Variants in NHEJ1 observed in about 807,000 individuals in gnomAD.
NHEJ1 encodes the protein non-homologous end-joining factor 1.
Under a neutral mutation model 39.4 loss-of-function variants are expected in NHEJ1, and 22 were observed. The ratio of observed to expected loss-of-function variants is 0.56; its 90% CI spans 0.40 to 0.80. The LOEUF is 0.80. NHEJ1 is among the 30% of genes least tolerant of loss of function. The pLI is 0.00. For synonymous variants in NHEJ1, 154 were observed against 135.6 expected (o/e 1.14, Z -0.94); for missense variants, 329 against 357.1 (o/e 0.92, Z 0.63).
intron 5 of NHEJ1, among the ~76,000 whole-genome samples, chr2:219,108,598 C>A (rs530132806): frequency 6.6e-6 from 1 of 152,304 alleles, no homozygotes; most frequent in Non-Finnish European, 1.5e-5. Flanking sequence ...CTAGCACTTA[C>A]CAAATACATT....
At chr2:219,123,681 A>T (rs1320879102) in intron 5 of NHEJ1, among the ~76,000 whole-genome samples, 3 of 152,062 alleles carry the variant, frequency 2.0e-5, no homozygotes, top group African/African-American at 7.2e-5. Context: ...TACATTTAAA[A>T]CTAGAAAAGT....
intron 7 of NHEJ1, 122 bp from the exon 8 acceptor site, chr2:219,076,577 T>C: frequency 1.1e-6 from 1 of 895,314 alleles, no homozygotes; most frequent in Non-Finnish European, 1.7e-6. Flanking sequence ...TTTTTTTTTT[T>C]TTTCCACCCA....
At chr2:219,154,796 T>G (rs2106366927) in intron 3 of NHEJ1, among the ~76,000 whole-genome samples, 1 of 151,056 alleles carries the variant, frequency 6.6e-6, no homozygotes, top group South Asian at 2.1e-4. Context: ...TTTAATGTAG[T>G]TCCCCAATTA....
intron 5 of NHEJ1, among the ~76,000 whole-genome samples, chr2:219,098,400 T>A (rs556626336): frequency 3.9e-5 from 6 of 152,140 alleles, no homozygotes; most frequent in South Asian, 4.1e-4. Context: ...AGAGGAGAAT[T>A]ACCAGAGCAA....
At chr2:219,131,705 T>A (rs1233610049) in intron 5 of NHEJ1, among the ~76,000 whole-genome samples, 1 of 152,254 alleles carries the variant, frequency 6.6e-6, no homozygotes, top group Non-Finnish European at 1.5e-5. Flanking sequence ...ATTAATTACA[T>A]AAAAGTTTTT....
In NHEJ1 at chr2:219,082,869, C is replaced by T. The variant is rs578164435; in HGVS notation, c.589-4663G>A. Among the ~76,000 whole-genome samples, 50 of 152,292 alleles carry T rather than the reference C, an allele frequency of 3.3e-4. No individual in the cohort carries two copies. The South Asian group carries it at 9.7e-3, about 30-fold the overall frequency. The stretch of plus-strand genomic sequence containing the variant: ...ATACAAACTTCCTTCCCTTGGGAGC[C>T]CAGGTCTCCATTCAAAGGGAATCAT... On this transcript the variant is annotated intron_variant, in intron 5 of 7. Coordinates refer to ENST00000356853, the MANE Select transcript of NHEJ1 (RefSeq NM_024782.3).
At chr2:219,082,691 G>T (rs954847928) in intron 5 of NHEJ1, among the ~76,000 whole-genome samples, 1 of 152,208 alleles carries the variant, frequency 6.6e-6, no homozygotes, top group African/African-American at 2.4e-5. Flanking sequence ...GCATGTCTTT[G>T]GTTCTGGCAC....
Position 219,111,507 on chromosome 2 carries a change from C to T in NHEJ1, c.589-33301G>A, listed in dbSNP as rs539755540. ...CTAGAAAAAATCTAGTTATCCCACA[C>T]GCTTGGCCCACTCCCCTTATCTAGA... On this transcript the variant is annotated intron_variant, in intron 5 of 7. Transcript: ENST00000356853. This position sits in a 1 kb window ranked among gnomAD's most constrained non-coding sequence, Gnocchi z 4.1. Among the ~76,000 whole-genome samples the T allele has an allele frequency of 2.0e-5, 3 of 152,256 alleles. No homozygotes were observed. Among genetic ancestry groups the T allele is most frequent in the Admixed American group, 6.5e-5 (1 of 15,278 alleles).
At chr2:219,106,406 C>T (rs1487112473) in intron 5 of NHEJ1, among the ~76,000 whole-genome samples, 3 of 152,142 alleles carry the variant, frequency 2.0e-5, no homozygotes, top group Admixed American at 6.5e-5. Flanking sequence ...TCTGCTAACA[C>T]TGGGAGAGTG....
chr2:219,113,368 CAGGAATAGAAA>C (rs1271898362), intron 5 of NHEJ1, among the ~76,000 whole-genome samples: 1 of 151,920 alleles, frequency 6.6e-6, no homozygotes, highest in Non-Finnish European at 1.5e-5. Context: ...GAGAGATGGA[CAGGAATAGAAA>C]AGGGGAGGAA....
intron 3 of NHEJ1, among the ~76,000 whole-genome samples, chr2:219,154,307 T>C (rs1421409838): frequency 1.3e-5 from 2 of 152,210 alleles, no homozygotes; most frequent in African/African-American, 4.8e-5. Flanking sequence ...CGTATGAAGA[T>C]ATATATACAG....
rs1357282606 is a variant in NHEJ1, at chr2:219,155,903, C to T, written c.390+1569G>A. 3.4e-5 allele frequency among the ~76,000 whole-genome samples: 5 copies of T among 147,714 alleles called. No homozygotes were observed. In the Admixed American group the frequency reaches 3.4e-4, roughly 10 times the overall value. ...TCACGCCACTGCACTCCAGCCTGGGCGAGAGCGAGACTCCGTCTCAAAAAA... is the reference window on the plus strand; with the variant it reads ...TCACGCCACTGCACTCCAGCCTGGGTGAGAGCGAGACTCCGTCTCAAAAAA... On this transcript the variant is annotated intron_variant, in intron 3 of 7. Coordinates refer to ENST00000356853, the MANE Select transcript of NHEJ1 (RefSeq NM_024782.3).
chr2:219,096,219 GAGA>G (rs1949206619), intron 5 of NHEJ1, among the ~76,000 whole-genome samples: 2 of 152,124 alleles, frequency 1.3e-5, no homozygotes, highest in Non-Finnish European at 1.5e-5. Flanking sequence ...AATCCCTCAG[GAGA>G]AGAATACTTG....
intron 5 of NHEJ1, among the ~76,000 whole-genome samples, chr2:219,101,414 CTATT>C (rs1307830549): frequency 1.3e-5 from 2 of 151,764 alleles, no homozygotes; most frequent in East Asian, 1.9e-4. Context: ...CGCGCCCGGC[CTATT>C]TATTTATTTT....
intron 5 of NHEJ1, among the ~76,000 whole-genome samples, chr2:219,112,576 T>G (rs1392504921): frequency 6.6e-6 from 1 of 152,084 alleles, no homozygotes; most frequent in Non-Finnish European, 1.5e-5. Context: ...ACCCTTCTCT[T>G]GTTGCAGGAT....
At chr2:219,124,838 G>A (rs1694109533) in intron 5 of NHEJ1, 1 of 152,120 alleles carries the variant, frequency 6.6e-6, no homozygotes, top group South Asian at 2.1e-4. Context: ...TTTATTACAA[G>A]GCAGTGTGGG....
chr2:219,093,712 C>T lies in NHEJ1; in HGVS notation c.589-15506G>A, dbSNP rs758994432. ...ACTATTAATTAAATGTTTAAAAATG[C>T]AGTTGAATAGTGGGTATATAGTGTT... On this transcript the variant is annotated intron_variant, in intron 5 of 7. Transcript: ENST00000356853. Among the ~76,000 whole-genome samples the T allele has an allele frequency of 3.3e-5, 5 of 152,266 alleles. No homozygotes were observed. In the East Asian group the frequency reaches 5.8e-4, roughly 18 times the overall value.
At chr2:219,157,969 T>A (rs536883599) in intron 2 of NHEJ1, among the ~76,000 whole-genome samples, 6 of 132,046 alleles carry the variant, frequency 4.5e-5, no homozygotes, top group African/African-American at 1.5e-4. Context: ...AAACTAACTT[T>A]CTTTCTCTCT....
intron 5 of NHEJ1, among the ~76,000 whole-genome samples, chr2:219,079,453 C>G (rs1299937823): frequency 6.6e-6 from 1 of 152,180 alleles, no homozygotes; most frequent in Non-Finnish European, 1.5e-5. Context: ...GTGTGAGAAG[C>G]AGGAAAGCAG....
Sources: allele counts gnomAD v4.1 joint callset (sites outside exome capture counted in the v4.1 genomes callset), GRCh38; gene constraint gnomAD v4.1.1; non-coding constraint Gnocchi (gnomAD v3.1); transcripts MANE v1.5; gene names NCBI Gene and HGNC (gene_info 2026-07-23, HGNC 2026-07-21).